The following SNHG17 variants were observed in gnomAD, a reference collection of about 807,000 sequenced individuals.
SNHG17 encodes small nucleolar RNA host gene 17 (non-protein coding).
intron 3 of SNHG17, among the ~76,000 whole-genome samples, chr20:38,430,126 G>C (rs953666817): frequency 2.6e-5 from 4 of 151,976 alleles, no homozygotes; most frequent in African/African-American, 9.7e-5. Context: ...AGACCAGCCT[G>C]TCCAACATGG....
At chr20:38,429,860 T>C (rs993981929) in intron 3 of SNHG17, 11 of 507,586 alleles carry the variant, frequency 2.2e-5, no homozygotes, top group African/African-American at 1.6e-4. Context: ...TTCCGGGCAA[T>C]GGTCTCACCT....
chr20:38,425,457 C>T (rs182029357), intron 5 of SNHG17: 1 of 409,906 alleles, frequency 2.4e-6, no homozygotes, highest in Non-Finnish European at 4.9e-6. Flanking sequence ...GCAGCTGCTT[C>T]TGATTCCCAA....
intron 3 of SNHG17, chr20:38,429,446 G>A (rs1568861399): frequency 4.2e-6 from 1 of 240,700 alleles, no homozygotes. Context: ...TAAGGACGTG[G>A]AAGGAGAGGT....
chr20:38,434,947 G>A, intron 1 of SNHG17: 1 of 1,226,762 alleles, frequency 8.2e-7, no homozygotes, highest in Non-Finnish European at 1.0e-6. Context: ...AAGCCTCCCC[G>A]CAGAGTAGCT....
At chr20:38,420,646 A>C (rs1430752320) in exon 8 of SNHG17, 1 of 152,230 alleles carries the variant, frequency 6.6e-6, no homozygotes, top group African/African-American at 2.4e-5. Context: ...ACAGCTACAA[A>C]TTCAAAAATA....
chr20:38,430,277 C>A (rs1049734250), intron 3 of SNHG17, among the ~76,000 whole-genome samples: 1 of 150,092 alleles, frequency 6.7e-6, no homozygotes. Flanking sequence ...GTCAGGATCA[C>A]GCCATTGCAC....
chr20:38,428,190 T>A (rs1600761710), intron 3 of SNHG17: 1 of 152,280 alleles, frequency 6.6e-6, no homozygotes, highest in Non-Finnish European at 1.5e-5. Context: ...ATGCTGCTAA[T>A]GCACTGCAGG....
exon 1 of SNHG17, chr20:38,435,292 T>G (rs891868422): frequency 2.4e-6 from 3 of 1,231,426 alleles, no homozygotes; most frequent in South Asian, 4.1e-5. Context: ...TGCGGTGGCG[T>G]GCGATGGCGA....
Position 38,431,641 on chromosome 20 carries a change from C to T in SNHG17, n.309-529G>A, listed in dbSNP as rs149187707. 2.9e-3 allele frequency among the ~76,000 whole-genome samples: 437 copies of T among 152,316 alleles called. 2 individuals carry two copies. The highest frequency in any genetic ancestry group is 0.01 in the African/African-American group (418 of 41,572). On this transcript the variant is annotated intron_variant and non_coding_transcript_variant, in intron 2 of 8. Coordinates refer to ENST00000654008, the Ensembl canonical transcript of SNHG17. ...GTGATCCTAAGAAAAATCACCTCAGCGTACTCCTGTTTTCCAGACGAGAAA... is the reference window on the plus strand; with the variant it reads ...GTGATCCTAAGAAAAATCACCTCAGTGTACTCCTGTTTTCCAGACGAGAAA...
chr20:38,425,223 G>A (rs1450546546), intron 5 of SNHG17: 1 of 519,070 alleles, frequency 1.9e-6, no homozygotes, highest in Non-Finnish European at 3.8e-6. Context: ...GAGTTTGGAA[G>A]GGATAGGAGT....
chr20:38,425,158 C>G (rs766307705), intron 5 of SNHG17: 1 of 508,078 alleles, frequency 2.0e-6, no homozygotes, highest in Non-Finnish European at 4.0e-6. Context: ...GCACGACAAC[C>G]AGGTACCAGG....
intron 6 of SNHG17, chr20:38,422,005 AACTC>A (rs2084163021): frequency 6.6e-6 from 1 of 152,376 alleles, no homozygotes; most frequent in Non-Finnish European, 1.5e-5. Flanking sequence ...CTGAAAGAAA[AACTC>A]ACTGCTAATC....
At chr20:38,431,748 A>G (rs957129113) in intron 2 of SNHG17, among the ~76,000 whole-genome samples, 1 of 152,216 alleles carries the variant, frequency 6.6e-6, no homozygotes. Context: ...TTGATGCCAA[A>G]GCCCTCCAGC....
chr20:38,429,821 C>T (rs1464767927), intron 3 of SNHG17: 1 of 516,640 alleles, frequency 1.9e-6, no homozygotes, highest in Non-Finnish European at 3.9e-6. Flanking sequence ...GGGCAGAGGG[C>T]AAGCCCAGAA....
At chr20:38,427,440 G>A (rs779933004) in intron 3 of SNHG17, 11 of 515,918 alleles carry the variant, frequency 2.1e-5, no homozygotes, top group South Asian at 1.4e-4. Context: ...TTCGGATGCA[G>A]GAGCAGAAAC....
intron 3 of SNHG17, chr20:38,428,016 TGAGA>T (rs1186572770): frequency 6.6e-6 from 1 of 152,272 alleles, no homozygotes; most frequent in African/African-American, 2.4e-5. Flanking sequence ...ATGTGATTTC[TGAGA>T]GAGGGAGGGA....
intron 2 of SNHG17, chr20:38,433,855 GAGA>G (rs746583019): frequency 2.3e-5 from 12 of 519,248 alleles, no homozygotes; most frequent in East Asian, 5.4e-5. Context: ...GAAAGATGGT[GAGA>G]AGGAGGTGTG....
chr20:38,434,437 A>ACTGT (rs1217551678), intron 2 of SNHG17: 2 of 190,580 alleles, frequency 1.0e-5, no homozygotes, highest in African/African-American at 2.4e-5. Flanking sequence ...GAGCTCATTG[A>ACTGT]CTGTCCCCTC....
chr20:38,432,233 G>A (rs1007317536), intron 2 of SNHG17: 24 of 891,472 alleles, frequency 2.7e-5, no homozygotes, highest in Middle Eastern at 5.7e-4. Flanking sequence ...TCAGCAACAC[G>A]AAGAGTTCAT....
Sources: gnomAD v4.1 joint callset for allele counts (sites outside exome capture counted in the v4.1 genomes callset) on GRCh38, gnomAD v4.1.1 for gene constraint, MANE v1.5 for transcripts, NCBI Gene and HGNC (gene_info 2026-07-23, HGNC 2026-07-21) for gene names.